The following STT3B variants were observed in gnomAD, a reference collection of about 807,000 sequenced individuals.
STT3B encodes STT3 oligosaccharyltransferase complex catalytic subunit B, also known as dolichyl-diphosphooligosaccharide--protein glycosyltransferase subunit STT3B.
STT3B carries 29 observed loss-of-function variants against 96.8 expected under a neutral mutation model. That is an observed-to-expected ratio of 0.30 (90% CI 0.22 to 0.41). STT3B has a LOEUF of 0.41. Ranked by LOEUF, STT3B falls within the 10% of genes least tolerant of loss-of-function variation. The pLI, the probability that STT3B is intolerant of heterozygous loss-of-function variation, is 1.00. For missense variants in STT3B, 640 were observed against 1,022.3 expected (o/e 0.63, Z 5.10); for synonymous variants, 367 against 360.0 (o/e 1.02, Z -0.22).
rs140994898 is a variant in STT3B, at chr3:31,586,527, T to C, written c.711+6431T>C. 4.4e-3 allele frequency among the ~76,000 whole-genome samples: 675 copies of C among 152,214 alleles called. 6 individuals carry two copies. Among genetic ancestry groups the C allele is most frequent in the African/African-American group, 0.015 (614 of 41,552 alleles). On this transcript the variant is annotated intron_variant, in intron 3 of 15. Coordinates refer to ENST00000295770, the MANE Select transcript of STT3B (RefSeq NM_178862.3). ...CTTATAGAAATTAAATAGTTTTAGGTTTAACAGTCAGGTCTGTCATCTATT... is the reference window on the plus strand; with the variant it reads ...CTTATAGAAATTAAATAGTTTTAGGCTTAACAGTCAGGTCTGTCATCTATT...
chr3:31,581,788 C>T (rs925060041), intron 3 of STT3B, among the ~76,000 whole-genome samples: 2 of 152,144 alleles, frequency 1.3e-5, no homozygotes, highest in African/African-American at 2.4e-5. Flanking sequence ...GTTCTTTAAA[C>T]GTTTTAGTAG....
At position 31,579,801 on chromosome 3, in the gene STT3B, C is replaced by T. The variant is rs1246336289; in HGVS notation, c.424-8C>T. 20 of 1,581,916 alleles carry T rather than the reference C, an allele frequency of 1.3e-5. No individual in the cohort carries two copies. The highest frequency in any genetic ancestry group is 7.4e-5 in the Admixed American group (4 of 54,110). On this transcript the variant is annotated splice_polypyrimidine_tract_variant and splice_region_variant and intron_variant, in intron 2 of 15. Coordinates refer to ENST00000295770, the MANE Select transcript of STT3B (RefSeq NM_178862.3). ...ATGTAATTAAATTTTCCATTTTTTTCTTCCTAGGTTTACCCAGGGTTGATG... is the reference window on the plus strand; with the variant it reads ...ATGTAATTAAATTTTCCATTTTTTTTTTCCTAGGTTTACCCAGGGTTGATG...
At chr3:31,615,958 T>C (rs1258199973) in intron 6 of STT3B, among the ~76,000 whole-genome samples, 1 of 151,938 alleles carries the variant, frequency 6.6e-6, no homozygotes, top group Non-Finnish European at 1.5e-5. Context: ...CCTTTAGTTT[T>C]GTATATCTTA....
chr3:31,615,738 TACA>T (rs556162468), intron 6 of STT3B, among the ~76,000 whole-genome samples: 15 of 151,934 alleles, frequency 9.9e-5, no homozygotes, highest in African/African-American at 3.4e-4. Context: ...ACGTATGCAT[TACA>T]ACATTTCCTA....
intron 1 of STT3B, among the ~76,000 whole-genome samples, chr3:31,539,615 C>G (rs746649768): frequency 1.3e-5 from 2 of 152,110 alleles, no homozygotes; most frequent in Non-Finnish European, 2.9e-5. Flanking sequence ...CAGAATACCT[C>G]TTCACAATCC....
intron 1 of STT3B, among the ~76,000 whole-genome samples, chr3:31,560,850 CT>C (rs1472174519): frequency 6.6e-6 from 1 of 152,072 alleles, no homozygotes; most frequent in African/African-American, 2.4e-5. Context: ...CTTTTAAAAT[CT>C]TTTGTTTTCT....
intron 5 of STT3B, among the ~76,000 whole-genome samples, 157 bp from the exon 6 acceptor site, chr3:31,614,946 CAT>C (rs991958968): frequency 2.6e-4 from 39 of 151,902 alleles, no homozygotes; most frequent in Non-Finnish European, 4.0e-4. Context: ...GAATCTGTAA[CAT>C]ATGGTTAACA....
rs78564582 is a variant in STT3B at position 31,601,216 on chromosome 3, C to T, written c.877+757C>T. On this transcript the variant is annotated intron_variant, in intron 5 of 15. Transcript: ENST00000295770. ...CTCCTAGGTATTTACCCAAGAGAAC[C>T]GAAAACATATATTCATACAAAAGCT... is the stretch of plus-strand genomic sequence containing the variant. Among the ~76,000 whole-genome samples the T allele has an allele frequency of 0.019, 2,877 of 152,030 alleles. 290 individuals are homozygous for T. The East Asian group carries it at 0.32, about 17-fold the overall frequency.
rs574920783 is a variant in STT3B, at chr3:31,593,796, C to T, written c.712-3002C>T. On this transcript the variant is annotated intron_variant, in intron 3 of 15. Coordinates refer to ENST00000295770, the MANE Select transcript of STT3B (RefSeq NM_178862.3). ...TTTTGTGTTATATCATTATATTTTT[C>T]TTTAATTTTCTTAATATAGTATTCT... Among the ~76,000 whole-genome samples the T allele has an allele frequency of 5.9e-5, 9 of 151,958 alleles. No homozygotes were observed. In the East Asian group the frequency reaches 1.7e-3, roughly 29 times the overall value.
Position 31,614,214 on chromosome 3 carries a change from A to G in STT3B, c.878-891A>G, listed in dbSNP as rs1487541997. Reference sequence around the variant, plus strand: ...ACCCCCCAATCTTTGTTTTTGATAGAGTAGTTTATTTGCCAAAAACTATTA... The same window carrying G: ...ACCCCCCAATCTTTGTTTTTGATAGGGTAGTTTATTTGCCAAAAACTATTA... On this transcript the variant is annotated intron_variant, in intron 5 of 15. Coordinates refer to ENST00000295770, the MANE Select transcript of STT3B (RefSeq NM_178862.3). Among the ~76,000 whole-genome samples the G allele has an allele frequency of 2.0e-5, 3 of 152,148 alleles. No individual in the cohort carries two copies. In the South Asian group the frequency reaches 6.2e-4, roughly 32 times the overall value.
At chr3:31,594,687 T>C (rs1046036575) in intron 3 of STT3B, among the ~76,000 whole-genome samples, 7 of 152,186 alleles carry the variant, frequency 4.6e-5, no homozygotes, top group Admixed American at 6.5e-5. Context: ...CCCAAAGTGC[T>C]GGAATTACAG....
At chr3:31,633,239 G>T in intron 15 of STT3B, 92 bp downstream of exon 15, 1 of 1,122,104 alleles carries the variant, frequency 8.9e-7, no homozygotes, top group Non-Finnish European at 1.3e-6. Context: ...ATTTCCATCT[G>T]CCAGATTTAT....
chr3:31,614,699 G>A (rs1699264989), intron 5 of STT3B, among the ~76,000 whole-genome samples: 1 of 131,612 alleles, frequency 7.6e-6, no homozygotes, highest in African/African-American at 2.6e-5. Flanking sequence ...ACACATGCTG[G>A]CAGTGGTGAT....
intron 13 of STT3B, among the ~76,000 whole-genome samples, chr3:31,628,235 CGGTG>C (rs1699577398): frequency 8.5e-6 from 1 of 117,816 alleles, no homozygotes; most frequent in Admixed American, 9.6e-5. Flanking sequence ...GGCGGGCGGG[CGGTG>C]GAGTCCCTGG....
At chr3:31,623,127 T>G (rs2125476164) in intron 10 of STT3B, among the ~76,000 whole-genome samples, 1 of 152,296 alleles carries the variant, frequency 6.6e-6, no homozygotes, top group South Asian at 2.1e-4. Flanking sequence ...TTAGAAGTTG[T>G]GACTTTTTCT....
At chr3:31,569,647 G>A (rs192018891) in intron 1 of STT3B, among the ~76,000 whole-genome samples, 1 of 152,244 alleles carries the variant, frequency 6.6e-6, no homozygotes, top group Admixed American at 6.5e-5. Context: ...AGTAAAACTT[G>A]CATTGACAGT....
intron 3 of STT3B, among the ~76,000 whole-genome samples, chr3:31,587,266 A>AG (rs1193378138): frequency 1.0e-5 from 1 of 96,630 alleles, no homozygotes; most frequent in South Asian, 4.2e-4. Flanking sequence ...TTAACACTCC[A>AG]AAAAGCCTCG....
chr3:31,558,863 GTT>G (rs200229146), intron 1 of STT3B, among the ~76,000 whole-genome samples: 1,666 of 144,040 alleles, frequency 0.012, 20 homozygotes, highest in South Asian at 0.028. Flanking sequence ...GTCTGTTCAG[GTT>G]TTTTTTTTTT....
intron 2 of STT3B, among the ~76,000 whole-genome samples, chr3:31,578,315 C>G (rs1161708791): frequency 6.6e-6 from 1 of 152,082 alleles, no homozygotes; most frequent in African/African-American, 2.4e-5. Flanking sequence ...TTTCTTCTCT[C>G]CTGTGGGCTC....
Sources: gnomAD v4.1 joint callset for allele counts (sites outside exome capture counted in the v4.1 genomes callset) on GRCh38, gnomAD v4.1.1 for gene constraint, MANE v1.5 for transcripts, NCBI Gene and HGNC (gene_info 2026-07-23, HGNC 2026-07-21) for gene names.